The following NREP variants were observed in gnomAD, a reference collection of about 807,000 sequenced individuals.
NREP encodes neuronal regeneration-related protein.
In NREP, 5 loss-of-function variants were observed where a neutral mutation model predicts 8.6. The ratio of observed to expected loss-of-function variants is 0.58; its 90% CI spans 0.30 to 1.22. The LOEUF (loss-of-function observed/expected upper bound fraction) is 1.22, where lower values mean the gene tolerates loss of function less well. NREP is among the 50% of genes most tolerant of loss of function. The probability of loss-of-function intolerance (pLI) is 0.07; values close to 1 mark genes in which losing one functional copy is unlikely to be tolerated. For missense variants in NREP, 86 were observed against 82.5 expected, an observed-to-expected ratio of 1.04 and a Z score of -0.17; for synonymous variants, 27 against 28.0, an observed-to-expected ratio of 0.96 and a Z score of 0.11.
chr5:111,890,890 G>T (rs1754379010), intron 2 of NREP, among the ~76,000 whole-genome samples: 1 of 152,188 alleles, frequency 6.6e-6, no homozygotes. Flanking sequence ...TGCCTTTGAG[G>T]CCTTTTTCCC....
intron 2 of NREP, among the ~76,000 whole-genome samples, chr5:111,925,654 A>C (rs775293791): frequency 2.6e-5 from 4 of 152,156 alleles, no homozygotes; most frequent in African/African-American, 4.8e-5. Context: ...GAGACAGGGA[A>C]GTATGTTTTA....
At chr5:111,968,749 G>A (rs191426811) in intron 2 of NREP, among the ~76,000 whole-genome samples, 1 of 152,254 alleles carries the variant, frequency 6.6e-6, no homozygotes, top group East Asian at 1.9e-4. Context: ...AGAACGTCTG[G>A]ATCCCAGCTT....
intron 2 of NREP, among the ~76,000 whole-genome samples, chr5:111,910,237 A>T (rs985589518): frequency 6.6e-6 from 1 of 152,066 alleles, no homozygotes; most frequent in Non-Finnish European, 1.5e-5. Context: ...GATACCAAAG[A>T]AGGATAATAC....
intron 2 of NREP, among the ~76,000 whole-genome samples, chr5:111,871,459 T>A (rs925691336): frequency 9.2e-5 from 14 of 152,144 alleles, no homozygotes; most frequent in Non-Finnish European, 1.9e-4. Flanking sequence ...CCTAGTACAT[T>A]ATACTACTGT....
chr5:111,734,582 T>A, intron 3 of NREP: 1 of 453,972 alleles, frequency 2.2e-6, no homozygotes, highest in Non-Finnish European at 3.9e-6. Context: ...CCTGCCAGTA[T>A]AAGATAGGGA....
chr5:111,961,510 G>A (rs1756479680), intron 2 of NREP, among the ~76,000 whole-genome samples: 1 of 152,186 alleles, frequency 6.6e-6, no homozygotes, highest in Non-Finnish European at 1.5e-5. Flanking sequence ...GACATGCTCT[G>A]AAAATATTCT....
intron 2 of NREP, among the ~76,000 whole-genome samples, chr5:111,956,233 T>C (rs570674729): frequency 1.3e-5 from 2 of 152,110 alleles, no homozygotes; most frequent in East Asian, 3.9e-4. Context: ...CAGACAAGAA[T>C]TGCAGAACAT....
chr5:111,803,630 T>C lies in NREP; in HGVS notation c.136-68123A>G, dbSNP rs139794617. Among the ~76,000 whole-genome samples, 642 of 152,332 alleles carry C rather than the reference T, an allele frequency of 4.2e-3. 3 individuals are homozygous for C. Among genetic ancestry groups the C allele is most frequent in the African/African-American group, 0.014 (589 of 41,588 alleles). On this transcript the variant is annotated intron_variant, in intron 2 of 3. Transcript: ENST00000395634. ...AGGAAAGACAAAGTTGCATTTTAAA[T>C]ATCTATTAATGTTTATTATTGTCAC...
chr5:111,816,302 C>G (rs1226198457), intron 2 of NREP, among the ~76,000 whole-genome samples: 2 of 151,892 alleles, frequency 1.3e-5, no homozygotes, highest in African/African-American at 4.8e-5. Context: ...TACATAGAGG[C>G]ACAATATTGT....
At chr5:111,883,252 C>G (rs1754137713) in intron 2 of NREP, among the ~76,000 whole-genome samples, 1 of 152,204 alleles carries the variant, frequency 6.6e-6, no homozygotes. Context: ...GTAAAGGGAT[C>G]AATTCAATGA....
chr5:111,886,691 A>G (rs1403040341), intron 2 of NREP, among the ~76,000 whole-genome samples: 1 of 151,276 alleles, frequency 6.6e-6, no homozygotes, highest in African/African-American at 2.4e-5. Context: ...ATGAAATTGG[A>G]AATCATCATT....
chr5:111,765,277 AG>A lies in NREP; in HGVS notation c.136-29771del, dbSNP rs1241217881. Among the ~76,000 whole-genome samples, 16 of 152,330 alleles carry A rather than the reference AG, an allele frequency of 1.1e-4. No homozygotes were observed. The South Asian group carries it at 3.1e-3, about 30-fold the overall frequency. On this transcript the variant is annotated intron_variant, in intron 2 of 3. Coordinates refer to the NREP transcript ENST00000395634. The stretch of plus-strand genomic sequence containing the variant: ...TGCCACCAATGATCTGACAGGAGGC[AG>A]AGCTTAGGCAGTAATGCTTGCTCAC...
At chr5:111,794,044 T>C (rs1751818347) in intron 2 of NREP, among the ~76,000 whole-genome samples, 1 of 152,136 alleles carries the variant, frequency 6.6e-6, no homozygotes, top group African/African-American at 2.4e-5. Context: ...CAAGACCCTA[T>C]GAGAAGAAAT....
rs1752645562 is a variant in NREP, at chr5:111,827,061, T to C, written c.136-91554A>G. 2.6e-5 allele frequency among the ~76,000 whole-genome samples: 4 copies of C among 152,240 alleles called. No homozygotes were observed. The South Asian group carries it at 8.3e-4, about 31-fold the overall frequency. Reference sequence around the variant, plus strand: ...TTTCTTAAACACTAATTCTGATTGCTCGTTAATAGTTGGCTAGATATTTTC... The same window carrying C: ...TTTCTTAAACACTAATTCTGATTGCCCGTTAATAGTTGGCTAGATATTTTC... On this transcript the variant is annotated intron_variant, in intron 2 of 3. Coordinates refer to the NREP transcript ENST00000395634.
At chr5:111,880,136 AT>A in intron 2 of NREP, among the ~76,000 whole-genome samples, 1 of 152,258 alleles carries the variant, frequency 6.6e-6, no homozygotes, top group South Asian at 2.1e-4. Flanking sequence ...ATCATCTACC[AT>A]TTATTACCTG....
chr5:111,943,348 T>C, intron 2 of NREP, among the ~76,000 whole-genome samples: 1 of 152,106 alleles, frequency 6.6e-6, no homozygotes, highest in African/African-American at 2.4e-5. Flanking sequence ...CTTCTCTGTC[T>C]TGCTCTTAAA....
intron 2 of NREP, among the ~76,000 whole-genome samples, chr5:111,864,153 T>C (rs1753614110): frequency 1.3e-5 from 2 of 152,184 alleles, no homozygotes; most frequent in South Asian, 4.1e-4. Context: ...TGTTCAATCC[T>C]ACTCACTGCA....
intron 2 of NREP, among the ~76,000 whole-genome samples, chr5:111,951,506 C>G (rs1350437390): frequency 6.6e-6 from 1 of 151,888 alleles, no homozygotes; most frequent in Non-Finnish European, 1.5e-5. Flanking sequence ...CAGAGTTGAG[C>G]AGTTATGACA....
chr5:111,878,656 G>T (rs775230442), intron 2 of NREP, among the ~76,000 whole-genome samples: 1 of 152,110 alleles, frequency 6.6e-6, no homozygotes, highest in African/African-American at 2.4e-5. Flanking sequence ...TTGTCTTAAA[G>T]GCCTTAGAAA....
Sources: allele counts gnomAD v4.1 joint callset (sites outside exome capture counted in the v4.1 genomes callset), GRCh38; gene constraint gnomAD v4.1.1; transcripts MANE v1.5; gene names NCBI Gene and HGNC (gene_info 2026-07-23, HGNC 2026-07-21).